MLC1: variants seen among roughly 807,000 people sequenced by gnomAD.
The protein encoded by MLC1 is modulator of VRAC current 1.
In MLC1, 32 loss-of-function variants were observed where a neutral mutation model predicts 44.7. The ratio of observed to expected loss-of-function variants is 0.72; its 90% CI spans 0.54 to 0.96. The LOEUF (loss-of-function observed/expected upper bound fraction) is 0.96, where lower values mean the gene tolerates loss of function less well. Among genes scored for constraint, MLC1 ranks in the 40% least tolerant of loss-of-function variants. MLC1 has a pLI of 0.00. For missense variants in MLC1, 459 were observed against 492.2 expected (o/e 0.93, Z 0.64); for synonymous variants, 190 against 213.0 (o/e 0.89, Z 0.94).
At chr22:50,082,073 A>G (rs1233619510) in intron 3 of MLC1, among the ~76,000 whole-genome samples, 1 of 152,238 alleles carries the variant, frequency 6.6e-6, no homozygotes, top group Non-Finnish European at 1.5e-5. Context: ...AGTCACCAAC[A>G]GTGTCCCTAG....
chr22:50,061,461 T>C lies in MLC1; in HGVS notation c.*122A>G. The stretch of plus-strand genomic sequence containing the variant: ...GGAAGTGAAAACCCCACCTGCAGCC[T>C]GGTTTGCCCTCACACAAGGGAAAAG... On this transcript the variant is annotated 3_prime_UTR_variant, in exon 12 of 12. Transcript: ENST00000311597. 1 of 1,060,616 alleles carries C rather than the reference T, an allele frequency of 9.4e-7. No homozygotes were observed. Among genetic ancestry groups the C allele is most frequent in the Non-Finnish European group, 1.4e-6 (1 of 692,086 alleles). 65.7% of individuals were successfully genotyped at this position (1,060,616 alleles called of 1,614,324 possible). A position where few individuals can be genotyped will look rare whatever the true frequency, so the allele number is the denominator to read the frequency against.
intron 10 of MLC1, among the ~76,000 whole-genome samples, chr22:50,065,840 T>C (rs980953780): frequency 3.3e-5 from 5 of 152,184 alleles, no homozygotes; most frequent in Admixed American, 6.5e-5. Context: ...ATCCTAAAGA[T>C]GCGCTGAGGA....
intron 9 of MLC1, 21 bp downstream of exon 9, chr22:50,070,506 A>C (rs2061825180): frequency 4.5e-6 from 7 of 1,553,998 alleles, no homozygotes; most frequent in Non-Finnish European, 6.1e-6. Context: ...CCTGGCACCC[A>C]GGGCTGAGGG....
chr22:50,074,084 T>G, intron 8 of MLC1, 132 bp downstream of exon 8: 1 of 720,802 alleles, frequency 1.4e-6, no homozygotes, highest in Non-Finnish European at 2.5e-6. Context: ...TCTTCTGAAG[T>G]TGGGGGCCAG....
chr22:50,084,286 G>C (rs1388923836), intron 2 of MLC1, among the ~76,000 whole-genome samples: 2 of 152,112 alleles, frequency 1.3e-5, no homozygotes, highest in Admixed American at 6.5e-5. Flanking sequence ...TTGTTCCCCA[G>C]CTCCCTCCCA....
chr22:50,076,728 G>T (rs567877431), intron 7 of MLC1, 113 bp downstream of exon 7: 1 of 1,082,328 alleles, frequency 9.2e-7, no homozygotes, highest in East Asian at 2.4e-5. Context: ...GCCGCCATGC[G>T]GTGTAGACAG....
At position 50,061,169 on chromosome 22, in the gene MLC1, G is replaced by A. The variant is rs12484303; in HGVS notation, c.*414C>T. On this transcript the variant is annotated 3_prime_UTR_variant, in exon 12 of 12. Coordinates refer to ENST00000311597, the MANE Select transcript of MLC1 (RefSeq NM_015166.4). ...CCCTAAGCGTGGAGGGAGGAAGCCC[G>A]GTCAGAGTGGGCAGGAGACGCAGGG... The A allele has an allele frequency of 5.8e-3, 1,694 of 291,014 alleles. 86 individuals are homozygous for A. In the Admixed American group the frequency reaches 0.065, roughly 11 times the overall value. The allele number at this position is 291,014 out of a possible 1,614,324, so 18.0% of individuals were successfully genotyped here.
rs1232671337 is a variant in MLC1, at chr22:50,083,663, C to A, written c.178-490G>T. Among the ~76,000 whole-genome samples the A allele has an allele frequency of 6.6e-6, 1 of 152,162 alleles. No homozygotes were observed. Among genetic ancestry groups the A allele is most frequent in the Non-Finnish European group, 1.5e-5 (1 of 68,030 alleles). On this transcript the variant is annotated intron_variant, in intron 2 of 11. Coordinates refer to ENST00000311597, the MANE Select transcript of MLC1 (RefSeq NM_015166.4). This position sits in a 1 kb window ranked among gnomAD's most constrained non-coding sequence, Gnocchi z 4.6. ...CCCAGGGGCTCCTGAGCAGGGAAGA[C>A]CCTAGCAGGAGGCAGGGAGGGTGCT...
At chr22:50,070,139 T>G (rs183200517) in intron 9 of MLC1, among the ~76,000 whole-genome samples, 1 of 151,736 alleles carries the variant, frequency 6.6e-6, no homozygotes. Context: ...GAGGCGGAGG[T>G]TGCAGTGAGC....
At chr22:50,078,971 C>T (rs2062049132) in intron 5 of MLC1, among the ~76,000 whole-genome samples, 1 of 152,086 alleles carries the variant, frequency 6.6e-6, no homozygotes, top group Non-Finnish European at 1.5e-5. Flanking sequence ...CACACCCCAT[C>T]TGCTCTCCGT....
At chr22:50,063,472 C>CAA (rs1186364376) in intron 11 of MLC1, among the ~76,000 whole-genome samples, 2 of 79,540 alleles carry the variant, frequency 2.5e-5, no homozygotes, top group African/African-American at 1.0e-4. Flanking sequence ...GACTCCTTCT[C>CAA]AAAAAAAAAA....
chr22:50,073,470 C>A (rs894622828), intron 8 of MLC1, among the ~76,000 whole-genome samples: 1 of 152,176 alleles, frequency 6.6e-6, no homozygotes, highest in African/African-American at 2.4e-5. Flanking sequence ...AGGGAACACA[C>A]CTGTAATCCC....
intron 6 of MLC1, among the ~76,000 whole-genome samples, 193 bp from the exon 7 acceptor site, chr22:50,077,105 G>C (rs973363886): frequency 1.5e-4 from 23 of 152,356 alleles, no homozygotes; most frequent in African/African-American, 5.5e-4. Context: ...AAAATTAGCA[G>C]ATGTGGTGTC....
At chr22:50,080,507 A>T in intron 3 of MLC1, 110 bp from the exon 4 acceptor site, 1 of 1,192,836 alleles carries the variant, frequency 8.4e-7, no homozygotes. Flanking sequence ...TTCACAAAAC[A>T]GTGTTGCCAG....
chr22:50,068,646 C>G (rs552785305), intron 9 of MLC1, 91 bp from the exon 10 acceptor site: 3 of 1,342,524 alleles, frequency 2.2e-6, no homozygotes, highest in African/African-American at 1.4e-5. Context: ...CGGGCATGGC[C>G]GGGCACTCAT....
At chr22:50,070,700 G>T in intron 8 of MLC1, 117 bp from the exon 9 acceptor site, 1 of 1,111,986 alleles carries the variant, frequency 9.0e-7, no homozygotes, top group Middle Eastern at 2.0e-4. Context: ...GCTTGCTGTG[G>T]GGGGCAGGGG....
chr22:50,080,588 G>A (rs1602052944), intron 3 of MLC1, among the ~76,000 whole-genome samples, 191 bp from the exon 4 acceptor site: 1 of 152,070 alleles, frequency 6.6e-6, no homozygotes, highest in South Asian at 2.1e-4. Flanking sequence ...TTTTTCTTGA[G>A]ATGGGGTCTC....
intron 3 of MLC1, among the ~76,000 whole-genome samples, chr22:50,081,894 G>T (rs536818173): frequency 5.2e-5 from 8 of 152,384 alleles, no homozygotes; most frequent in Admixed American, 5.2e-4. Flanking sequence ...GGACAAGGGC[G>T]GCTCCCATGG....
In MLC1 at chr22:50,064,038, C is replaced by T. The variant is rs2061648197; in HGVS notation, c.1055G>A (p.Gly352Glu). The change falls in exon 11 of 12, where the codon GGG becomes GAG. Residue 352 changes from glycine (G) to glutamate (E), a missense_variant. Physicochemically the swap from Gly to Glu is moderately conservative, Grantham distance 98 (BLOSUM62 -2). Transcript: ENST00000311597. Reference protein sequence around the residue: ...TQNGPQERLAGEVARSPLKEF... With the variant: ...TQNGPQERLAEEVARSPLKEF... Reference sequence around the variant, plus strand: ...CTCCCCCTGCAGGCCACTCACCTCCCCAGCCAGGCGCTCCTGCGGGCCGTT... The same window carrying T: ...CTCCCCCTGCAGGCCACTCACCTCCTCAGCCAGGCGCTCCTGCGGGCCGTT... 2 of 1,599,990 alleles carry T rather than the reference C, an allele frequency of 1.3e-6. No homozygotes were observed. The highest frequency in any genetic ancestry group is 4.5e-5 in the East Asian group (2 of 44,806).
Sources: allele counts gnomAD v4.1 joint callset (sites outside exome capture counted in the v4.1 genomes callset), GRCh38; gene constraint gnomAD v4.1.1; non-coding constraint Gnocchi (gnomAD v3.1); transcripts MANE v1.5; gene names NCBI Gene and HGNC (gene_info 2026-07-23, HGNC 2026-07-21).